CCBE1: variants seen among roughly 807,000 people sequenced by gnomAD.
CCBE1 encodes the protein collagen and calcium-binding EGF domain-containing protein 1.
A neutral mutation model predicts 50.0 loss-of-function variants in CCBE1; 37 were observed. The ratio of observed to expected loss-of-function variants is 0.74; its 90% CI spans 0.57 to 0.97. The LOEUF (loss-of-function observed/expected upper bound fraction) is 0.97. CCBE1 is among the 50% of genes least tolerant of loss of function. CCBE1 has a pLI of 0.00. For missense variants in CCBE1, 538 were observed against 523.8 expected, an observed-to-expected ratio of 1.03 and a Z score of -0.26; for synonymous variants, 234 against 203.7, an observed-to-expected ratio of 1.15 and a Z score of -1.27.
intron 2 of CCBE1, among the ~76,000 whole-genome samples, chr18:59,663,628 G>T (rs1344909241): frequency 1.3e-5 from 2 of 152,092 alleles, no homozygotes; most frequent in South Asian, 2.1e-4. Context: ...GGGTACGTTT[G>T]GGGGACTGTC....
At chr18:59,488,901 C>T (rs1912957044) in intron 2 of CCBE1, among the ~76,000 whole-genome samples, 1 of 152,128 alleles carries the variant, frequency 6.6e-6, no homozygotes, top group African/African-American at 2.4e-5. Flanking sequence ...ACCTGAAAGA[C>T]ACTGAGTGCT....
chr18:59,687,208 C>T (rs2054666795), intron 2 of CCBE1, among the ~76,000 whole-genome samples: 1 of 152,198 alleles, frequency 6.6e-6, no homozygotes, highest in Non-Finnish European at 1.5e-5. Flanking sequence ...TGCTGGCTTA[C>T]AGATGCCCTC....
chr18:59,513,321 C>CA (rs11417238), intron 2 of CCBE1, among the ~76,000 whole-genome samples: 97,107 of 151,756 alleles, frequency 0.64, 31,812 homozygotes, highest in African/African-American at 0.78. Flanking sequence ...CAAAACAAAA[C>CA]AAAAAAATTC....
At position 59,447,973 on chromosome 18, in the gene CCBE1, C is replaced by T. The variant is rs549921314; in HGVS notation, c.775+10G>A. 1.2e-6 allele frequency: 2 copies of T among 1,614,070 alleles called. No homozygotes were observed. Among genetic ancestry groups the T allele is most frequent in the South Asian group, 1.1e-5 (1 of 91,080 alleles). On this transcript the variant is annotated intron_variant, in intron 7 of 10. Transcript: ENST00000439986. ...GGTGATCACCCTCCTGTGCCCTCTT[C>T]CACACTCACCGGGAGGGCCCTGGCC...
intron 2 of CCBE1, among the ~76,000 whole-genome samples, chr18:59,573,570 A>T (rs2052949738): frequency 6.6e-6 from 1 of 151,740 alleles, no homozygotes. Flanking sequence ...ATAGTCCCCA[A>T]CCCTAATTTT....
intron 5 of CCBE1, among the ~76,000 whole-genome samples, chr18:59,464,365 T>G (rs1233110599): frequency 6.6e-6 from 1 of 152,110 alleles, no homozygotes; most frequent in South Asian, 2.1e-4. Context: ...GAGGCTGAAT[T>G]TGCAGTGAGC....
chr18:59,532,943 A>C (rs1915107043), intron 2 of CCBE1, among the ~76,000 whole-genome samples: 1 of 152,236 alleles, frequency 6.6e-6, no homozygotes, highest in Non-Finnish European at 1.5e-5. Flanking sequence ...CTGGCAGTTC[A>C]CCAATGGCCA....
At chr18:59,674,383 G>A (rs1008193807) in intron 2 of CCBE1, among the ~76,000 whole-genome samples, 3 of 152,032 alleles carry the variant, frequency 2.0e-5, no homozygotes, top group Admixed American at 1.3e-4. Context: ...AAAACCAAAC[G>A]CAGCATGTTC....
At chr18:59,489,736 T>G (rs1011881188) in intron 2 of CCBE1, among the ~76,000 whole-genome samples, 1 of 151,664 alleles carries the variant, frequency 6.6e-6, no homozygotes, top group Non-Finnish European at 1.5e-5. Flanking sequence ...TCTTGGCAAC[T>G]AAGTCAGTGC....
intron 5 of CCBE1, among the ~76,000 whole-genome samples, chr18:59,464,437 A>G (rs1911646240): frequency 6.6e-6 from 1 of 152,170 alleles, no homozygotes; most frequent in Admixed American, 6.5e-5. Flanking sequence ...CTCTGTCTCA[A>G]AAACAAAACA....
chr18:59,589,032 T>C (rs1014669426), intron 2 of CCBE1, among the ~76,000 whole-genome samples: 5 of 152,202 alleles, frequency 3.3e-5, no homozygotes, highest in Non-Finnish European at 7.4e-5. Flanking sequence ...GTCCTGAAAG[T>C]TCCAGTAGCA....
intron 2 of CCBE1, among the ~76,000 whole-genome samples, chr18:59,672,555 G>C (rs1019560228): frequency 6.6e-6 from 1 of 152,170 alleles, no homozygotes; most frequent in African/African-American, 2.4e-5. Context: ...AAGCATTTCT[G>C]CTGGCATCCA....
Position 59,467,944 on chromosome 18 carries a change from C to T in CCBE1, c.401-1053G>A, listed in dbSNP as rs79891456. 1.6e-3 allele frequency among the ~76,000 whole-genome samples: 246 copies of T among 152,320 alleles called. 4 individuals carry two copies. The East Asian group carries it at 0.046, about 29-fold the overall frequency. ...GCATCCTCCTCTGCAATTCCTCAGG[C>T]TCACTGCCTTTCCCCAGGTGTCCCT... is the stretch of plus-strand genomic sequence containing the variant. On this transcript the variant is annotated intron_variant, in intron 4 of 10. Coordinates refer to ENST00000439986, the MANE Select transcript of CCBE1 (RefSeq NM_133459.4).
chr18:59,685,464 GC>G (rs2054642542), intron 2 of CCBE1, among the ~76,000 whole-genome samples: 1 of 152,216 alleles, frequency 6.6e-6, no homozygotes, highest in African/African-American at 2.4e-5. Context: ...AGAGACCCTG[GC>G]TTAGTGGCCA....
At chr18:59,484,290 T>G (rs548989873) in intron 2 of CCBE1, among the ~76,000 whole-genome samples, 1 of 152,204 alleles carries the variant, frequency 6.6e-6, no homozygotes, top group Non-Finnish European at 1.5e-5. Flanking sequence ...ATGAGAAAGT[T>G]GGATACAAGG....
intron 2 of CCBE1, among the ~76,000 whole-genome samples, chr18:59,591,395 A>AC (rs1393521413): frequency 6.6e-6 from 1 of 152,140 alleles, no homozygotes; most frequent in Non-Finnish European, 1.5e-5. Context: ...AAGTCAAAGA[A>AC]CAAAAGAAAA....
At chr18:59,624,808 C>A (rs2144613656) in intron 2 of CCBE1, among the ~76,000 whole-genome samples, 1 of 152,338 alleles carries the variant, frequency 6.6e-6, no homozygotes, top group Non-Finnish European at 1.5e-5. Context: ...GTTTACCAAA[C>A]CTCAGTTATC....
chr18:59,480,506 T>C (rs999016533), intron 2 of CCBE1, among the ~76,000 whole-genome samples: 5 of 152,276 alleles, frequency 3.3e-5, no homozygotes, highest in Middle Eastern at 3.4e-3. Flanking sequence ...TAACTCCGAC[T>C]TCAAGATACT....
chr18:59,607,057 GAAAAAAAAA>G (rs59954169), intron 2 of CCBE1, among the ~76,000 whole-genome samples: 1 of 117,374 alleles, frequency 8.5e-6, no homozygotes, highest in Admixed American at 8.7e-5. Context: ...GTTGAATTGG[GAAAAAAAAA>G]AAAAAAAAAA....
Sources: allele counts gnomAD v4.1 joint callset (sites outside exome capture counted in the v4.1 genomes callset), GRCh38; gene constraint gnomAD v4.1.1; transcripts MANE v1.5; gene names NCBI Gene and HGNC (gene_info 2026-07-23, HGNC 2026-07-21).